GLCCI1: variants seen among roughly 807,000 people sequenced by gnomAD.
GLCCI1 encodes glucocorticoid induced 1, also known as glucocorticoid-induced transcript 1 protein.
A neutral mutation model predicts 52.2 loss-of-function variants in GLCCI1; 24 were observed. The observed-to-expected ratio is 0.46, with a 90% CI of 0.33 to 0.65. The LOEUF (loss-of-function observed/expected upper bound fraction) is 0.65, where lower values mean the gene tolerates loss of function less well. Among genes scored for constraint, GLCCI1 ranks in the 30% least tolerant of loss-of-function variants. GLCCI1 has a pLI of 0.02. For missense variants in GLCCI1, 704 were observed against 701.5 expected, an observed-to-expected ratio of 1.00 and a Z score of -0.04; for synonymous variants, 310 against 276.5, an observed-to-expected ratio of 1.12 and a Z score of -1.20.
At chr7:8,038,127 AC>A (rs1308924413) in intron 3 of GLCCI1, among the ~76,000 whole-genome samples, 1 of 152,212 alleles carries the variant, frequency 6.6e-6, no homozygotes, top group Non-Finnish European at 1.5e-5. Flanking sequence ...CAATGAAGTC[AC>A]TGATGACAAA....
chr7:8,079,711 T>C (rs1279772941), intron 6 of GLCCI1, among the ~76,000 whole-genome samples: 1 of 151,542 alleles, frequency 6.6e-6, no homozygotes, highest in Non-Finnish European at 1.5e-5. Flanking sequence ...ATCAATTTAA[T>C]TCATACTTAT....
Position 8,086,332 on chromosome 7 carries a change from TC to T in GLCCI1, c.1442del (p.Pro481LeufsTer12). 1 of 1,614,044 alleles carries T rather than the reference TC, an allele frequency of 6.2e-7. No homozygotes were observed. Among genetic ancestry groups the T allele is most frequent in the Non-Finnish European group, 8.5e-7 (1 of 1,179,956 alleles). On this transcript the variant is annotated frameshift_variant, in exon 8 of 8. Transcript: ENST00000223145. LOFTEE classifies it high-confidence loss of function. This position sits in a 1 kb window ranked among gnomAD's most constrained non-coding sequence, Gnocchi z 4.4. ...LPASDLMLKNSPNSGQSSALA... is the reference protein window; with the variant it reads ...LPASDLMLKNXPNSGQSSALA... ...TGCTTCTGACCTTATGCTCAAGAACTCCCCTAACTCTGGCCAGAGCTCAGCT... is the reference window on the plus strand; with the variant it reads ...TGCTTCTGACCTTATGCTCAAGAACTCCCTAACTCTGGCCAGAGCTCAGCT...
At chr7:8,063,169 G>A (rs146788756) in intron 5 of GLCCI1, among the ~76,000 whole-genome samples, 1,682 of 152,094 alleles carry the variant, frequency 0.011, 28 homozygotes, top group African/African-American at 0.038. Flanking sequence ...ACGGAGTCTC[G>A]CTCTGTTGCC....
At chr7:8,050,170 G>C (rs1019809638) in intron 3 of GLCCI1, among the ~76,000 whole-genome samples, 2 of 152,102 alleles carry the variant, frequency 1.3e-5, no homozygotes, top group Non-Finnish European at 2.9e-5. Flanking sequence ...TTTGTGGATG[G>C]ATGTATAGGG....
chr7:8,017,500 G>A (rs1255379521), intron 2 of GLCCI1, among the ~76,000 whole-genome samples: 1 of 152,122 alleles, frequency 6.6e-6, no homozygotes, highest in East Asian at 1.9e-4. Context: ...TTATCTAAGA[G>A]TTCCAGATCT....
At chr7:7,972,036 A>G (rs1583934555) in intron 1 of GLCCI1, among the ~76,000 whole-genome samples, 2 of 152,088 alleles carry the variant, frequency 1.3e-5, no homozygotes, top group African/African-American at 4.8e-5. Flanking sequence ...TTTTACCCCC[A>G]CTACCCAAAT....
chr7:7,981,063 T>C, intron 1 of GLCCI1: 1 of 476,036 alleles, frequency 2.1e-6, no homozygotes, highest in Non-Finnish European at 4.1e-6. Context: ...AGGCTTTACT[T>C]TTAGAGATGG....
intron 6 of GLCCI1, among the ~76,000 whole-genome samples, chr7:8,083,601 T>A (rs573661273): frequency 6.6e-6 from 1 of 152,200 alleles, no homozygotes; most frequent in Non-Finnish European, 1.5e-5. Context: ...AATTTCATTC[T>A]AAGACTTAAT....
intron 1 of GLCCI1, among the ~76,000 whole-genome samples, chr7:8,001,903 A>T (rs975102917): frequency 1.3e-5 from 2 of 152,164 alleles, no homozygotes; most frequent in African/African-American, 4.8e-5. Context: ...CAATGAGAAC[A>T]CTTGGACACA....
intron 3 of GLCCI1, among the ~76,000 whole-genome samples, chr7:8,050,440 G>A (rs1305284580): frequency 6.6e-6 from 1 of 151,994 alleles, no homozygotes; most frequent in Non-Finnish European, 1.5e-5. Context: ...TATGTAGAGG[G>A]ATATAATATA....
In GLCCI1 at chr7:8,088,404, A is replaced by G. The variant is rs1250625986; in HGVS notation, c.*1866A>G. 1 of 152,580 alleles carries G rather than the reference A, an allele frequency of 6.6e-6. No individual in the cohort carries two copies. Among genetic ancestry groups the G allele is most frequent in the African/African-American group, 2.4e-5 (1 of 41,428 alleles). 9.5% of individuals were successfully genotyped at this position (152,580 alleles called of 1,614,324 possible). A position where few individuals can be genotyped will look rare whatever the true frequency, so the allele number is the denominator to read the frequency against. ...TATATTGTAGGAGACTGTCATGGAA[A>G]AAAGGACTCAGTTTACTTTCGTCAT... On this transcript the variant is annotated 3_prime_UTR_variant, in exon 8 of 8. Transcript: ENST00000223145.
intron 3 of GLCCI1, among the ~76,000 whole-genome samples, chr7:8,049,824 A>G (rs548789129): frequency 6.6e-6 from 1 of 152,208 alleles, no homozygotes; most frequent in Non-Finnish European, 1.5e-5. Flanking sequence ...TGAAAGCTGT[A>G]GAACTGGATT....
chr7:8,039,888 T>G (rs958807652), intron 3 of GLCCI1, among the ~76,000 whole-genome samples: 2 of 151,772 alleles, frequency 1.3e-5, no homozygotes, highest in Admixed American at 6.6e-5. Flanking sequence ...TCCCAGTTAC[T>G]TGGGCGGTTG....
intron 5 of GLCCI1, chr7:8,070,128 T>C (rs1428334622): frequency 6.6e-6 from 1 of 152,238 alleles, no homozygotes; most frequent in Non-Finnish European, 1.5e-5. Context: ...CACTGAACTA[T>C]AGGTTCCTCA....
At chr7:8,085,302 T>G (rs1783081311) in intron 7 of GLCCI1, among the ~76,000 whole-genome samples, 1 of 152,194 alleles carries the variant, frequency 6.6e-6, no homozygotes, top group African/African-American at 2.4e-5. Flanking sequence ...AACTCTTAGT[T>G]TAGATGGTAA....
At chr7:8,068,194 C>G (rs747591977) in intron 5 of GLCCI1, among the ~76,000 whole-genome samples, 13 of 152,160 alleles carry the variant, frequency 8.5e-5, no homozygotes, top group South Asian at 2.1e-4. Flanking sequence ...ACTAAAAATA[C>G]AAAACATTAG....
intron 1 of GLCCI1, among the ~76,000 whole-genome samples, chr7:7,985,054 A>G (rs1278593299): frequency 6.6e-6 from 1 of 152,228 alleles, no homozygotes; most frequent in Non-Finnish European, 1.5e-5. Flanking sequence ...ACTTTCACAA[A>G]ACATTCTACT....
intron 2 of GLCCI1, among the ~76,000 whole-genome samples, chr7:8,004,915 G>C (rs1459379238): frequency 6.6e-6 from 1 of 152,112 alleles, no homozygotes; most frequent in Non-Finnish European, 1.5e-5. Flanking sequence ...AGAGAGTTTT[G>C]GACATGATCT....
chr7:8,023,180 T>A (rs1240853103), intron 3 of GLCCI1, among the ~76,000 whole-genome samples: 2 of 152,110 alleles, frequency 1.3e-5, no homozygotes, highest in Admixed American at 6.5e-5. Flanking sequence ...CACACCTGGC[T>A]AATTTTTTGT....
Sources: allele counts gnomAD v4.1 joint callset (sites outside exome capture counted in the v4.1 genomes callset), GRCh38; gene constraint gnomAD v4.1.1; non-coding constraint Gnocchi (gnomAD v3.1); transcripts MANE v1.5; gene names NCBI Gene and HGNC (gene_info 2026-07-23, HGNC 2026-07-21).